DHX34: variants seen among roughly 807,000 people sequenced by gnomAD.
DHX34 encodes probable ATP-dependent RNA helicase DHX34.
Under a neutral mutation model 111.1 loss-of-function variants are expected in DHX34, and 96 were observed. The observed-to-expected ratio is 0.86, with a 90% confidence interval of 0.73 to 1.02. The LOEUF is 1.02. Ranked by LOEUF, DHX34 falls within the 50% of genes least tolerant of loss-of-function variation. DHX34 has a pLI of 0.00. For synonymous variants in DHX34, 688 were observed against 670.4 expected, an observed-to-expected ratio of 1.03 and a Z score of -0.41; for missense variants, 1,560 against 1,579.9, an observed-to-expected ratio of 0.99 and a Z score of 0.21.
rs553104888 is a variant in DHX34 at position 47,375,338 on chromosome 19, A to T, written c.2065-128A>T. ...GGAGCAGCGATCCATGCCCAGCACC[A>T]TGCGAGGGGCTGTTTTCAGCCCCCT... On this transcript the variant is annotated intron_variant, in intron 9 of 16. Coordinates refer to ENST00000328771, the MANE Select transcript of DHX34 (RefSeq NM_014681.6). 5 of 1,424,090 alleles carry T rather than the reference A, an allele frequency of 3.5e-6. No homozygotes were observed. The East Asian group carries it at 1.3e-4, about 38-fold the overall frequency. The allele number at this position is 1,424,090 out of a possible 1,614,324, so 88.2% of individuals were successfully genotyped here.
intron 13 of DHX34, 34 bp downstream of exon 13, chr19:47,377,240 G>T: frequency 6.3e-7 from 1 of 1,593,820 alleles, no homozygotes; most frequent in Non-Finnish European, 8.5e-7. Flanking sequence ...CCCATGCCCA[G>T]ATATGAGAGC....
At position 47,360,115 on chromosome 19, in the gene DHX34, G is replaced by C. The variant is rs775899657; in HGVS notation, c.1375+45G>C. The C allele has an allele frequency of 3.2e-6, 5 of 1,586,540 alleles. No individual in the cohort carries two copies. The South Asian group carries it at 5.5e-5, about 18-fold the overall frequency. The stretch of plus-strand genomic sequence containing the variant: ...CCTACCCACCACCCCCAAGGACTTA[G>C]GAGCATGGGGTCCGGAGGTGTGCGT... On this transcript the variant is annotated intron_variant, in intron 5 of 16. Transcript: ENST00000328771.
Position 47,368,628 on chromosome 19 carries a change from GTGTA to G in DHX34, c.1768+1475_1768+1478del, listed in dbSNP as rs1158626253. Among the ~76,000 whole-genome samples, 21 of 142,650 alleles carry G rather than the reference GTGTA, an allele frequency of 1.5e-4. No homozygotes were observed. The East Asian group carries it at 2.5e-3, about 17-fold the overall frequency. 93.6% of individuals were successfully genotyped at this position (142,650 alleles called of 152,430 possible). A position where few individuals can be genotyped will look rare whatever the true frequency, so the allele number is the denominator to read the frequency against. On this transcript the variant is annotated intron_variant, in intron 7 of 16. Coordinates refer to ENST00000328771, the MANE Select transcript of DHX34 (RefSeq NM_014681.6). Reference sequence around the variant, plus strand: ...GTCCATTGAATGTGTGTGTGTGTGTGTGTATATATATACACACACACACACACAC... The same window carrying G: ...GTCCATTGAATGTGTGTGTGTGTGTGTATATATACACACACACACACACAC...
At position 47,382,629 on chromosome 19, in the gene DHX34, T is replaced by A. The variant is rs1970406024; in HGVS notation, c.*516T>A. The A allele has an allele frequency of 6.6e-6, 1 of 152,126 alleles. No homozygotes were observed. The highest frequency in any genetic ancestry group is 6.6e-5 in the Admixed American group (1 of 15,224). 9.4% of individuals were successfully genotyped at this position (152,126 alleles called of 1,614,324 possible). A position where few individuals can be genotyped will look rare whatever the true frequency, so the allele number is the denominator to read the frequency against. On this transcript the variant is annotated 3_prime_UTR_variant, in exon 17 of 17. Transcript: ENST00000328771. ...GCTGCACCATAAGACCCACTCACAA[T>A]AAAAAAATAAAAGGCCGAGCCGGGC...
intron 13 of DHX34, among the ~76,000 whole-genome samples, chr19:47,378,726 C>T (rs1333964600): frequency 6.6e-6 from 1 of 152,166 alleles, no homozygotes; most frequent in African/African-American, 2.4e-5. Flanking sequence ...ATCCCAGCTA[C>T]TCGGGAGGCT....
At chr19:47,370,146 T>G (rs1189459372) in intron 7 of DHX34, among the ~76,000 whole-genome samples, 2 of 152,110 alleles carry the variant, frequency 1.3e-5, no homozygotes, top group African/African-American at 2.4e-5. Flanking sequence ...CAAGGCTGTT[T>G]CAGAGAATGT....
rs1970292396 is a variant in DHX34, at chr19:47,379,780, T to A, written c.2777T>A (p.Leu926Gln). The A allele has an allele frequency of 2.5e-6, 4 of 1,613,158 alleles. No individual in the cohort carries two copies. Among genetic ancestry groups the A allele is most frequent in the Non-Finnish European group, 3.4e-6 (4 of 1,179,366 alleles). ...DCSRLVADGW[L>Q]ELQLADSESA... ...TCCCGCCTGGTGGCCGATGGCTGGCTGGAGCTGCAGCTAGCAGACAGTGAA... is the reference window on the plus strand; with the variant it reads ...TCCCGCCTGGTGGCCGATGGCTGGCAGGAGCTGCAGCTAGCAGACAGTGAA... The change falls in exon 14 of 17, where the codon CTG becomes CAG. Residue 926 changes from leucine (L) to glutamine (Q), a missense_variant. Physicochemically the swap from Leu to Gln is moderately radical, Grantham distance 113 (BLOSUM62 -2). Coordinates refer to ENST00000328771, the MANE Select transcript of DHX34 (RefSeq NM_014681.6).
At chr19:47,358,911 C>T (rs1177401009) in intron 4 of DHX34, among the ~76,000 whole-genome samples, 6 of 152,100 alleles carry the variant, frequency 3.9e-5, no homozygotes, top group African/African-American at 1.2e-4. Context: ...CCACTGTGTC[C>T]GGCCTCCGTT....
At chr19:47,358,372 C>G (rs942612292) in intron 4 of DHX34, among the ~76,000 whole-genome samples, 6 of 152,060 alleles carry the variant, frequency 3.9e-5, no homozygotes, top group African/African-American at 7.2e-5. Context: ...ACCATGGGCT[C>G]TCTGTCTGTC....
chr19:47,367,100 G>A lies in DHX34; in HGVS notation c.1713G>A (p.Glu571=). Reference sequence around the variant, plus strand: ...ACCAGGGGGCCCTGGACAGCTCAGAGGCCCTCACACCCATTGGGTCCCTGC... The same window carrying A: ...ACCAGGGGGCCCTGGACAGCTCAGAAGCCCTCACACCCATTGGGTCCCTGC... ...LRDQGALDSS[E]ALTPIGSLLA... Residue 571 remains glutamate, a synonymous_variant, in exon 7 of 17, where the codon GAG becomes GAA. Transcript: ENST00000328771. The A allele has an allele frequency of 6.2e-7, 1 of 1,600,822 alleles. No homozygotes were observed. Among genetic ancestry groups the A allele is most frequent in the Non-Finnish European group, 8.5e-7 (1 of 1,173,440 alleles).
At position 47,353,219 on chromosome 19, in the gene DHX34, C is replaced by A. The variant is rs912422998; in HGVS notation, c.189C>A (p.Phe63Leu). Residue 63 changes from phenylalanine (F) to leucine (L), a missense_variant, in exon 2 of 17, where the codon TTC (phenylalanine) becomes TTA (leucine). Phe to Leu is a conservative substitution (Grantham distance 22, BLOSUM62 0). Transcript: ENST00000328771. The surrounding 1 kb of genome is among the most constrained non-coding windows in gnomAD (Gnocchi z 4.6). ...AGGAATGTCAGAAGTTTTGGACCTT[C>A]TTTGAACGCCTGCAGAGATTCCAGA... ...GSEECQKFWT[F>L]FERLQRFQNL... 6.2e-7 allele frequency: 1 copy of A among 1,614,170 alleles called. No homozygotes were observed. The highest frequency in any genetic ancestry group is 1.3e-5 in the African/African-American group (1 of 75,044).
chr19:47,380,574 C>T (rs1970320573), intron 14 of DHX34: 1 of 964,424 alleles, frequency 1.0e-6, no homozygotes. Context: ...GAATGGGGTC[C>T]CACCAGTGAC....
chr19:47,377,796 C>T (rs554298774), intron 13 of DHX34, among the ~76,000 whole-genome samples: 1 of 151,972 alleles, frequency 6.6e-6, no homozygotes, highest in African/African-American at 2.4e-5. Context: ...GGAGGGCTGG[C>T]AGCTGCCAGG....
At chr19:47,366,329 G>A (rs544290023) in intron 6 of DHX34, among the ~76,000 whole-genome samples, 3 of 152,132 alleles carry the variant, frequency 2.0e-5, no homozygotes, top group Non-Finnish European at 4.4e-5. Context: ...GGCCCAGGCT[G>A]GAGTGCAGTG....
At chr19:47,362,336 G>A in intron 5 of DHX34, 140 bp from the exon 6 acceptor site, 1 of 1,257,116 alleles carries the variant, frequency 8.0e-7, no homozygotes, top group Non-Finnish European at 1.0e-6. Flanking sequence ...TGTCAGAGTT[G>A]GGCCCAGAAT....
chr19:47,353,275 AC>A lies in DHX34; in HGVS notation c.248del (p.Pro83LeufsTer93). 1 of 1,614,026 alleles carries A rather than the reference AC, an allele frequency of 6.2e-7. No individual in the cohort carries two copies. Among genetic ancestry groups the A allele is most frequent in the Non-Finnish European group, 8.5e-7 (1 of 1,179,988 alleles). On this transcript the variant is annotated frameshift_variant, in exon 2 of 17. Coordinates refer to ENST00000328771, the MANE Select transcript of DHX34 (RefSeq NM_014681.6). LOFTEE classifies it high-confidence loss of function. The surrounding 1 kb of genome is among the most constrained non-coding windows in gnomAD (Gnocchi z 4.6). ...NLKTSRKEEK[D>X]PGQPKHSIPA... Reference sequence around the variant, plus strand: ...AAGACCTCCAGGAAGGAGGAGAAAGACCCTGGACAGCCCAAGCACAGCATCC... The same window carrying A: ...AAGACCTCCAGGAAGGAGGAGAAAGACCTGGACAGCCCAAGCACAGCATCC...
intron 4 of DHX34, chr19:47,359,767 G>A (rs1599757824): frequency 2.3e-6 from 2 of 863,766 alleles, no homozygotes; most frequent in African/African-American, 1.8e-5. Flanking sequence ...GGGCGACAGA[G>A]CAAGACTCCG....
At chr19:47,354,834 AGTAGAGATGGGGT>A in intron 2 of DHX34, 192 bp from the exon 3 acceptor site, 1 of 466,012 alleles carries the variant, frequency 2.1e-6, no homozygotes, top group Non-Finnish European at 2.8e-6. Context: ...TTGTATTTTT[AGTAGAGATGGGGT>A]TTCTCTATGT....
At chr19:47,349,526 G>C (rs377506442) in intron 1 of DHX34, among the ~76,000 whole-genome samples, 174 bp downstream of exon 1, 1 of 152,162 alleles carries the variant, frequency 6.6e-6, no homozygotes, top group African/African-American at 2.4e-5. Context: ...TGGCACCTGA[G>C]CGTCCCTGGG....
Sources: gnomAD v4.1 joint callset for allele counts (sites outside exome capture counted in the v4.1 genomes callset) on GRCh38, gnomAD v4.1.1 for gene constraint, Gnocchi (gnomAD v3.1) non-coding constraint, MANE v1.5 for transcripts, NCBI Gene and HGNC (gene_info 2026-07-23, HGNC 2026-07-21) for gene names.